The following DAB1 variants were observed in gnomAD, a reference collection of about 807,000 sequenced individuals.
DAB1 encodes the protein disabled homolog 1.
In DAB1, 15 loss-of-function variants were observed where a neutral mutation model predicts 64.6. That is an observed-to-expected ratio of 0.23 (90% confidence interval 0.16 to 0.36). The LOEUF is 0.36. DAB1 is among the 10% of genes least tolerant of loss of function. DAB1 has a pLI of 1.00. For synonymous variants in DAB1, 235 were observed against 251.9 expected (o/e 0.93, Z 0.64); for missense variants, 596 against 706.7 (o/e 0.84, Z 1.78).
intron 1 of DAB1, among the ~76,000 whole-genome samples, chr1:57,300,632 A>G (rs994784756): frequency 1.3e-5 from 2 of 152,184 alleles, no homozygotes; most frequent in African/African-American, 2.4e-5. Context: ...GCCAGAATGC[A>G]ATGGGCCTGA....
intron 3 of DAB1, among the ~76,000 whole-genome samples, chr1:58,440,580 G>A (rs1453302118): frequency 1.3e-5 from 2 of 152,148 alleles, no homozygotes; most frequent in Non-Finnish European, 2.9e-5. Context: ...AGCTTGGATG[G>A]TCTTATTTGT....
chr1:57,792,377 C>T (rs12087768), intron 6 of DAB1, among the ~76,000 whole-genome samples: 4,286 of 152,318 alleles, frequency 0.028, 216 homozygotes, highest in African/African-American at 0.1. Context: ...TAGGCATACG[C>T]CTCATTTTTG....
intron 5 of DAB1, among the ~76,000 whole-genome samples, chr1:57,946,303 T>G (rs1645183271): frequency 6.6e-6 from 1 of 152,220 alleles, no homozygotes; most frequent in African/African-American, 2.4e-5. Flanking sequence ...CGTGGAGCCC[T>G]CTCTCTCCTT....
At chr1:58,126,691 G>A (rs1473712362) in intron 5 of DAB1, among the ~76,000 whole-genome samples, 2 of 150,220 alleles carry the variant, frequency 1.3e-5, no homozygotes, top group Non-Finnish European at 2.9e-5. Context: ...TCCCACCTAG[G>A]AGTGAGAATA....
intron 4 of DAB1, among the ~76,000 whole-genome samples, chr1:57,104,874 T>C (rs1425177559): frequency 6.6e-6 from 1 of 152,154 alleles, no homozygotes; most frequent in African/African-American, 2.4e-5. Context: ...GCTGGGACTT[T>C]GGGATGCCAG....
intron 5 of DAB1, among the ~76,000 whole-genome samples, chr1:58,008,138 T>C (rs1448645902): frequency 2.6e-5 from 4 of 152,130 alleles, no homozygotes; most frequent in Non-Finnish European, 4.4e-5. Context: ...CCCTGAGAGA[T>C]AGAGATTACT....
intron 5 of DAB1, among the ~76,000 whole-genome samples, chr1:58,037,896 G>A (rs905844527): frequency 6.6e-6 from 1 of 152,146 alleles, no homozygotes; most frequent in Non-Finnish European, 1.5e-5. Context: ...TCTGACTTGG[G>A]ATGGTTTTTA....
At chr1:58,536,376 G>A in intron 1 of DAB1, 1 of 611,868 alleles carries the variant, frequency 1.6e-6, no homozygotes, top group East Asian at 2.8e-5. Context: ...AAAGGTCTGA[G>A]GCCTTCGGGA....
chr1:57,160,446 A>C (rs911249320), intron 2 of DAB1, among the ~76,000 whole-genome samples: 1 of 152,232 alleles, frequency 6.6e-6, no homozygotes, highest in African/African-American at 2.4e-5. Flanking sequence ...GAATGCTGAA[A>C]GGAAGAGAAT....
chr1:58,303,375 G>A (rs1662220393), intron 4 of DAB1, among the ~76,000 whole-genome samples: 1 of 152,086 alleles, frequency 6.6e-6, no homozygotes, highest in African/African-American at 2.4e-5. Flanking sequence ...CCAGTTCAAG[G>A]GATTGAATTC....
intron 12 of DAB1, among the ~76,000 whole-genome samples, chr1:57,011,831 GC>G (rs1646275794): frequency 1.3e-5 from 2 of 152,216 alleles, no homozygotes; most frequent in African/African-American, 4.8e-5. Context: ...AGTGAAGTTT[GC>G]TAATTTGCTC....
chr1:57,120,070 T>G (rs1209178721), intron 4 of DAB1, among the ~76,000 whole-genome samples: 3 of 152,168 alleles, frequency 2.0e-5, no homozygotes, highest in Non-Finnish European at 4.4e-5. Context: ...TAATTTCAGC[T>G]ATGTGTAGAA....
intron 6 of DAB1, among the ~76,000 whole-genome samples, chr1:57,652,228 G>T (rs1027683161): frequency 6.6e-6 from 1 of 152,034 alleles, no homozygotes; most frequent in Non-Finnish European, 1.5e-5. Flanking sequence ...TTTTTTGCAC[G>T]TCTGATGACC....
intron 4 of DAB1, among the ~76,000 whole-genome samples, chr1:58,265,147 T>C (rs1212173266): frequency 6.6e-6 from 1 of 152,178 alleles, no homozygotes; most frequent in Admixed American, 6.6e-5. Context: ...ACACAATATT[T>C]ATAATCTTCA....
intron 7 of DAB1, among the ~76,000 whole-genome samples, chr1:57,434,614 C>T (rs1321441610): frequency 1.3e-5 from 2 of 152,114 alleles, no homozygotes; most frequent in African/African-American, 4.8e-5. Flanking sequence ...CTGAGAAATG[C>T]GTCATTAGGC....
intron 2 of DAB1, among the ~76,000 whole-genome samples, chr1:57,213,096 G>A (rs910323013): frequency 1.3e-5 from 2 of 150,694 alleles, no homozygotes; most frequent in African/African-American, 4.9e-5. Flanking sequence ...GTGATCTAAA[G>A]CAGCATTGTC....
chr1:57,440,980 C>G (rs111511183), intron 7 of DAB1, among the ~76,000 whole-genome samples: 16 of 152,194 alleles, frequency 1.1e-4, no homozygotes, highest in African/African-American at 3.6e-4. Context: ...AGAGAGTGAG[C>G]ATAGGACCCA....
At chr1:57,184,298 T>C (rs750485074) in intron 2 of DAB1, among the ~76,000 whole-genome samples, 3 of 152,118 alleles carry the variant, frequency 2.0e-5, no homozygotes, top group African/African-American at 4.8e-5. Flanking sequence ...ATAATACATT[T>C]AGGAGAAAAA....
intron 7 of DAB1, among the ~76,000 whole-genome samples, chr1:57,610,963 A>G (rs909258529): frequency 2.6e-5 from 4 of 152,128 alleles, no homozygotes; most frequent in Non-Finnish European, 4.4e-5. Context: ...CCAGGGTTCT[A>G]GTTACTTCTG....
Sources: gnomAD v4.1 joint callset for allele counts (sites outside exome capture counted in the v4.1 genomes callset) on GRCh38, gnomAD v4.1.1 for gene constraint, MANE v1.5 for transcripts, NCBI Gene and HGNC (gene_info 2026-07-23, HGNC 2026-07-21) for gene names.